The following ENTHD1 variants were observed in gnomAD, a reference collection of about 807,000 sequenced individuals.
ENTHD1 encodes ENTH domain-containing protein 1.
In ENTHD1, 23 loss-of-function variants were observed where a neutral mutation model predicts 39.1. The observed-to-expected ratio is 0.59, with a 90% confidence interval of 0.42 to 0.83. The LOEUF (loss-of-function observed/expected upper bound fraction) is 0.83. ENTHD1 is among the 40% of genes least tolerant of loss of function. The pLI is 0.00. For synonymous variants in ENTHD1, 230 were observed against 258.2 expected (o/e 0.89, Z 1.05); for missense variants, 624 against 705.4 (o/e 0.88, Z 1.31).
chr22:39,749,912 T>C (rs972080158), intron 6 of ENTHD1, among the ~76,000 whole-genome samples: 1 of 152,188 alleles, frequency 6.6e-6, no homozygotes, highest in Non-Finnish European at 1.5e-5. Context: ...GCCTGCAAGC[T>C]AAGGTGTGCG....
chr22:39,876,341 G>T (rs1441979551), intron 2 of ENTHD1, among the ~76,000 whole-genome samples: 1 of 152,102 alleles, frequency 6.6e-6, no homozygotes, highest in African/African-American at 2.4e-5. Context: ...ACACGCGAAA[G>T]GTACAACGTC....
intron 2 of ENTHD1, among the ~76,000 whole-genome samples, chr22:39,885,782 T>C (rs1012417715): frequency 6.6e-6 from 1 of 152,094 alleles, no homozygotes; most frequent in Non-Finnish European, 1.5e-5. Flanking sequence ...ACAGGAAAAT[T>C]TAGAGACAGA....
intron 3 of ENTHD1, among the ~76,000 whole-genome samples, chr22:39,838,056 TGA>T (rs1490783205): frequency 6.6e-6 from 1 of 152,242 alleles, no homozygotes; most frequent in African/African-American, 2.4e-5. Context: ...GTAGAGTTGA[TGA>T]AAGTATATTT....
intron 3 of ENTHD1, among the ~76,000 whole-genome samples, chr22:39,861,369 G>A (rs1263612972): frequency 6.6e-6 from 1 of 152,016 alleles, no homozygotes; most frequent in Admixed American, 6.6e-5. Flanking sequence ...CTGAAACCCT[G>A]TCTCTACTAA....
intron 2 of ENTHD1, among the ~76,000 whole-genome samples, chr22:39,868,644 C>T (rs951114375): frequency 2.6e-5 from 4 of 152,076 alleles, no homozygotes; most frequent in African/African-American, 7.2e-5. Context: ...ATTCAGCTAA[C>T]GAGCTTCTGC....
chr22:39,852,453 G>A (rs879354199), intron 3 of ENTHD1, among the ~76,000 whole-genome samples: 10 of 152,126 alleles, frequency 6.6e-5, no homozygotes, highest in Admixed American at 1.3e-4. Flanking sequence ...ATGGTTTTCC[G>A]AAACAAAAAT....
Position 39,881,244 on chromosome 22 carries a change from A to C in ENTHD1, c.349+6156T>G, listed in dbSNP as rs113398889. 1.5e-4 allele frequency among the ~76,000 whole-genome samples: 23 copies of C among 152,340 alleles called. 1 individual carries two copies. The highest frequency in any genetic ancestry group is 5.3e-4 in the African/African-American group (22 of 41,578). On this transcript the variant is annotated intron_variant, in intron 2 of 6. Transcript: ENST00000325157. ...ACACTGTTTCCTGTGAAGTACCTCT[A>C]ACTTTAAAGCAATGTATCCAACTGG...
chr22:39,881,200 A>G (rs762929376), intron 2 of ENTHD1, among the ~76,000 whole-genome samples: 23 of 152,216 alleles, frequency 1.5e-4, no homozygotes, highest in Non-Finnish European at 2.4e-4. Flanking sequence ...TATGCTCAAT[A>G]TGTCCTTCTA....
Position 39,756,449 on chromosome 22 carries a change from C to T in ENTHD1, c.1219+8774G>A, listed in dbSNP as rs1222818956. Among the ~76,000 whole-genome samples, 3 of 152,178 alleles carry T rather than the reference C, an allele frequency of 2.0e-5. No homozygotes were observed. The East Asian group carries it at 5.8e-4, about 29-fold the overall frequency. Reference sequence around the variant, plus strand: ...TCCCAGGTTCAAGTGATTCTCCTGCCTCAGCCTCCTGAGTAGCTGGGATTA... The same window carrying T: ...TCCCAGGTTCAAGTGATTCTCCTGCTTCAGCCTCCTGAGTAGCTGGGATTA... On this transcript the variant is annotated intron_variant, in intron 6 of 6. Coordinates refer to ENST00000325157, the MANE Select transcript of ENTHD1 (RefSeq NM_152512.4).
At chr22:39,858,409 G>A (rs2066112956) in intron 3 of ENTHD1, among the ~76,000 whole-genome samples, 1 of 152,128 alleles carries the variant, frequency 6.6e-6, no homozygotes, top group African/African-American at 2.4e-5. Flanking sequence ...ACCCCTCAAA[G>A]TCATCCATAA....
intron 5 of ENTHD1, among the ~76,000 whole-genome samples, chr22:39,766,937 T>C (rs1226209444): frequency 6.6e-6 from 1 of 152,158 alleles, no homozygotes; most frequent in Admixed American, 6.5e-5. Flanking sequence ...TCTTTAAAGC[T>C]TGCCCTGACC....
chr22:39,743,569 A>G lies in ENTHD1; in HGVS notation c.*110T>C, dbSNP rs2065075968. ...CTTGCTAATAAACCTGACAAGGAAA[A>G]ATTAAACCATCCCCTTTTTTGCCAT... is the stretch of plus-strand genomic sequence containing the variant. On this transcript the variant is annotated 3_prime_UTR_variant, in exon 7 of 7. Coordinates refer to ENST00000325157, the MANE Select transcript of ENTHD1 (RefSeq NM_152512.4). The G allele has an allele frequency of 1.5e-6, 2 of 1,304,776 alleles. No individual in the cohort carries two copies. Among genetic ancestry groups the G allele is most frequent in the Non-Finnish European group, 2.0e-6 (2 of 987,578 alleles). 80.8% of individuals were successfully genotyped at this position (1,304,776 alleles called of 1,614,324 possible). A position where few individuals can be genotyped will look rare whatever the true frequency, so the allele number is the denominator to read the frequency against.
Position 39,766,019 on chromosome 22 carries a change from C to CAAAAAAAAAAAAAAAAAA in ENTHD1, c.833-428_833-411dup, listed in dbSNP as rs11367784. ...TCTATCCTTACAGAACCCTCAGCTA[C>CAAAAAAAAAAAAAAAAAA]AAAAAAAAAAAAAAAAAAAAAAAAA... On this transcript the variant is annotated intron_variant, in intron 5 of 6. Coordinates refer to ENST00000325157, the MANE Select transcript of ENTHD1 (RefSeq NM_152512.4). Among the ~76,000 whole-genome samples the CAAAAAAAAAAAAAAAAAA allele has an allele frequency of 8.5e-4, 41 of 48,356 alleles. 2 individuals are homozygous for CAAAAAAAAAAAAAAAAAA. The highest frequency in any genetic ancestry group is 2.9e-3 in the South Asian group (2 of 700). 31.7% of individuals were successfully genotyped at this position (48,356 alleles called of 152,430 possible).
chr22:39,755,409 A>C (rs1412083906), intron 6 of ENTHD1, among the ~76,000 whole-genome samples: 9 of 152,136 alleles, frequency 5.9e-5, no homozygotes, highest in Admixed American at 5.9e-4. Flanking sequence ...CAAATTGAGA[A>C]AATATCAGGC....
rs865872003 is a variant in ENTHD1, at chr22:39,746,244, A to G, written c.1220-1961T>C. ...CTTTACTTCAATGTAGATTTTATCA[A>G]CTTTAGCTTCCAATCCTCTCATTGA... is the stretch of plus-strand genomic sequence containing the variant. On this transcript the variant is annotated intron_variant, in intron 6 of 6. Coordinates refer to ENST00000325157, the MANE Select transcript of ENTHD1 (RefSeq NM_152512.4). Among the ~76,000 whole-genome samples the G allele has an allele frequency of 5.3e-5, 8 of 152,258 alleles. No individual in the cohort carries two copies. The South Asian group carries it at 6.2e-4, about 12-fold the overall frequency.
intron 6 of ENTHD1, among the ~76,000 whole-genome samples, chr22:39,755,299 G>C (rs753497892): frequency 1.8e-4 from 28 of 152,188 alleles, no homozygotes; most frequent in Non-Finnish European, 1.3e-4. Flanking sequence ...TATTCGAGCT[G>C]ACCTCTGAAG....
intron 5 of ENTHD1, 26 bp from the exon 6 acceptor site, chr22:39,765,635 A>C: frequency 6.4e-7 from 1 of 1,550,428 alleles, no homozygotes; most frequent in Non-Finnish European, 8.7e-7. Context: ...TAAGAGCTAT[A>C]ATCAAAAAAT....
chr22:39,790,918 T>A (rs2065498746), intron 5 of ENTHD1, among the ~76,000 whole-genome samples: 1 of 152,184 alleles, frequency 6.6e-6, no homozygotes, highest in Non-Finnish European at 1.5e-5. Flanking sequence ...AGATTCTCCC[T>A]CTTCCACCAC....
In ENTHD1 at chr22:39,887,535, A is replaced by G. The variant is rs773275986; in HGVS notation, c.214T>C (p.Tyr72His). The G allele has an allele frequency of 6.2e-7, 1 of 1,614,254 alleles. No individual in the cohort carries two copies. Among genetic ancestry groups the G allele is most frequent in the East Asian group, 2.2e-5 (1 of 44,892 alleles). The change falls in exon 2 of 7, where the codon TAT (tyrosine) becomes CAT (histidine). Residue 72 changes from tyrosine (Y) to histidine (H), a missense_variant. Tyr to His is a moderately conservative substitution (Grantham distance 83). Transcript: ENST00000325157. ...NDHGKNWRHVYKSLTLMDYLI... is the reference protein window; with the variant it reads ...NDHGKNWRHVHKSLTLMDYLI... ...TAATCCATTAGGGTAAGGGATTTAT[A>G]CACGTGGCGCCAGTTCTTCCCATGG...
Sources: gnomAD v4.1 joint callset for allele counts (sites outside exome capture counted in the v4.1 genomes callset) on GRCh38, gnomAD v4.1.1 for gene constraint, MANE v1.5 for transcripts, NCBI Gene and HGNC (gene_info 2026-07-23, HGNC 2026-07-21) for gene names.